Variants in GABRP observed in about 807,000 individuals in gnomAD.
The protein encoded by GABRP is gamma-aminobutyric acid receptor subunit pi.
Under a neutral mutation model 47.8 loss-of-function variants are expected in GABRP, and 52 were observed. That is an observed-to-expected ratio of 1.09 (90% CI 0.87 to 1.37). The LOEUF (loss-of-function observed/expected upper bound fraction) is 1.37, where lower values mean the gene tolerates loss of function less well. Among genes scored for constraint, GABRP ranks in the 40% most tolerant of loss-of-function variants. The pLI, the probability that GABRP is intolerant of heterozygous loss-of-function variation, is 0.00. For missense variants in GABRP, 525 were observed against 542.8 expected (o/e 0.97, Z 0.33); for synonymous variants, 221 against 205.8 (o/e 1.07, Z -0.63).
At position 170,812,724 on chromosome 5, in the gene GABRP, T is replaced by C. The variant is rs1013519360; in HGVS notation, c.*466T>C. The C allele has an allele frequency of 6.4e-6, 1 of 156,066 alleles. No homozygotes were observed. Among genetic ancestry groups the C allele is most frequent in the Non-Finnish European group, 1.4e-5 (1 of 70,270 alleles). The allele number at this position is 156,066 out of a possible 1,614,324, so 9.7% of individuals were successfully genotyped here. A position where few individuals can be genotyped will look rare whatever the true frequency, so the allele number is the denominator to read the frequency against. On this transcript the variant is annotated 3_prime_UTR_variant, in exon 10 of 10. Coordinates refer to ENST00000265294, the MANE Select transcript of GABRP (RefSeq NM_014211.3). ...GGAGTAACATTTTCTAGTTTTTGTT[T>C]CTGGTTAAAATGAAATATGGGCTTA... is the stretch of plus-strand genomic sequence containing the variant.
intron 9 of GABRP, among the ~76,000 whole-genome samples, chr5:170,811,217 A>T (rs1406380315): frequency 1.4e-5 from 2 of 147,748 alleles, no homozygotes; most frequent in African/African-American, 2.5e-5. Flanking sequence ...TAATAATGGT[A>T]CTCATTTCAT....
At chr5:170,783,348 A>T (rs1765052197), upstream of GABRP, among the ~76,000 whole-genome samples, 1 of 152,158 alleles carries the variant, frequency 6.6e-6, no homozygotes, top group Non-Finnish European at 1.5e-5. Flanking sequence ...CATTTTATAG[A>T]TGGGAAGCTG....
chr5:170,810,992 G>A (rs1382972560), intron 9 of GABRP, among the ~76,000 whole-genome samples: 2 of 151,482 alleles, frequency 1.3e-5, no homozygotes, highest in Non-Finnish European at 2.9e-5. Context: ...GTGAAATACT[G>A]ACAGCCTCCT....
chr5:170,811,280 G>A (rs550264875), intron 9 of GABRP, among the ~76,000 whole-genome samples: 5 of 151,230 alleles, frequency 3.3e-5, no homozygotes, highest in African/African-American at 9.7e-5. Context: ...CTAGCAAGCG[G>A]CCTGGTCAAG....
chr5:170,794,410 C>G (rs557902183), intron 4 of GABRP, 112 bp downstream of exon 4: 26 of 569,112 alleles, frequency 4.6e-5, no homozygotes, highest in African/African-American at 4.0e-4. Flanking sequence ...TGGCTCATGG[C>G]CCTCCTCCAT....
At chr5:170,790,613 T>G (rs548117555) in intron 3 of GABRP, among the ~76,000 whole-genome samples, 1 of 151,936 alleles carries the variant, frequency 6.6e-6, no homozygotes, top group South Asian at 2.1e-4. Context: ...GACCTGCAGG[T>G]CTGGCCTCAG....
rs1473828289 is a variant in GABRP, at chr5:170,813,902, T to C, written c.*1644T>C. On this transcript the variant is annotated 3_prime_UTR_variant, in exon 10 of 10. Transcript: ENST00000265294. ...TGAAAAGAGGTGAAATGTGGTTGTA[T>C]GAGCCAATCATATTTGTGATTTTTT... The C allele has an allele frequency of 6.6e-6, 1 of 152,176 alleles. No homozygotes were observed. Among genetic ancestry groups the C allele is most frequent in the Admixed American group, 6.5e-5 (1 of 15,270 alleles). The allele number at this position is 152,176 out of a possible 1,614,324, so 9.4% of individuals were successfully genotyped here. A position where few individuals can be genotyped will look rare whatever the true frequency, so the allele number is the denominator to read the frequency against.
chr5:170,788,543 C>A, intron 1 of GABRP, 31 bp from the exon 2 acceptor site: 2 of 1,486,270 alleles, frequency 1.3e-6, no homozygotes, highest in Non-Finnish European at 1.9e-6. Flanking sequence ...TGTTGCACGG[C>A]CTTCCACTTA....
At position 170,788,632 on chromosome 5, in the gene GABRP, A is replaced by C; in HGVS notation, c.17A>C (p.His6Pro). The stretch of plus-strand genomic sequence containing the variant: ...CTTCTCAACATGAACTACAGCCTCC[A>C]CTTGGCCTTCGTGTGTCTGAGTCTC... The part of the protein sequence containing the change: MNYSL[H>P]LAFVCLSLFT... The change falls in exon 2 of 10, where the codon CAC becomes CCC. Residue 6 changes from histidine (H) to proline (P), a missense_variant. Coordinates refer to ENST00000265294, the MANE Select transcript of GABRP (RefSeq NM_014211.3). The C allele has an allele frequency of 1.2e-6, 2 of 1,614,130 alleles. No individual in the cohort carries two copies. The highest frequency in any genetic ancestry group is 1.7e-6 in the Non-Finnish European group (2 of 1,180,020).
At chr5:170,803,684 G>A (rs10054743) in intron 6 of GABRP, among the ~76,000 whole-genome samples, 37,527 of 151,738 alleles carry the variant, frequency 0.25, 4,884 homozygotes, top group African/African-American at 0.3. Context: ...TAACCTACTC[G>A]CTGTCTGTAT....
chr5:170,802,233 G>C (rs368924113), intron 6 of GABRP, among the ~76,000 whole-genome samples: 7 of 152,084 alleles, frequency 4.6e-5, no homozygotes, highest in Non-Finnish European at 8.8e-5. Context: ...AAACCGCTCC[G>C]AAATGCCCAC....
chr5:170,792,468 C>A (rs923336107), intron 3 of GABRP, among the ~76,000 whole-genome samples: 11 of 151,396 alleles, frequency 7.3e-5, no homozygotes, highest in Admixed American at 3.9e-4. Context: ...GAAAGAAAGA[C>A]AGAAAAAGAA....
chr5:170,811,582 G>T (rs915674110), intron 9 of GABRP, among the ~76,000 whole-genome samples: 1 of 152,216 alleles, frequency 6.6e-6, no homozygotes, highest in South Asian at 2.1e-4. Flanking sequence ...TTTGGCAGGC[G>T]AGGAAATAAA....
intron 6 of GABRP, among the ~76,000 whole-genome samples, chr5:170,801,973 T>G (rs549595742): frequency 6.6e-6 from 1 of 152,260 alleles, no homozygotes; most frequent in South Asian, 2.1e-4. Flanking sequence ...ATGAGGATTA[T>G]GTACAAGAAG....
chr5:170,786,954 CAAAAG>C (rs940942939), intron 1 of GABRP, among the ~76,000 whole-genome samples: 4 of 151,844 alleles, frequency 2.6e-5, no homozygotes, highest in Non-Finnish European at 5.9e-5. Flanking sequence ...AAGTATGAGA[CAAAAG>C]AGAAGAAATG....
Position 170,812,109 on chromosome 5 carries a change from A to G in GABRP, c.1174A>G (p.Lys392Glu), listed in dbSNP as rs1363549544. 1 of 1,614,064 alleles carries G rather than the reference A, an allele frequency of 6.2e-7. No individual in the cohort carries two copies. The highest frequency in any genetic ancestry group is 8.5e-7 in the Non-Finnish European group (1 of 1,180,032). Residue 392 changes from lysine (K) to glutamate (E), a missense_variant, in exon 10 of 10, where the codon AAG (lysine) becomes GAG (glutamate). Physicochemically the swap from Lys to Glu is moderately conservative, Grantham distance 56. Coordinates refer to ENST00000265294, the MANE Select transcript of GABRP (RefSeq NM_014211.3). The part of the protein sequence containing the change: ...DLTMKTSDKF[K>E]FVFREKMGRI... Reference sequence around the variant, plus strand: ...GACAATGAAAACCAGCGACAAGTTCAAGTTTGTCTTCCGAGAAAAGATGGG... The same window carrying G: ...GACAATGAAAACCAGCGACAAGTTCGAGTTTGTCTTCCGAGAAAAGATGGG...
In GABRP at chr5:170,793,038, T is replaced by C. The variant is rs548400800; in HGVS notation, c.173-1193T>C. On this transcript the variant is annotated intron_variant, in intron 3 of 9. Coordinates refer to ENST00000265294, the MANE Select transcript of GABRP (RefSeq NM_014211.3). ...TATTGAGCGCCTATTATTACGTGAC[T>C]GATGGACATGACGCTGGGAGCTTTG... is the stretch of plus-strand genomic sequence containing the variant. Among the ~76,000 whole-genome samples, 26 of 152,298 alleles carry C rather than the reference T, an allele frequency of 1.7e-4. No individual in the cohort carries two copies. In the South Asian group the frequency reaches 5.2e-3, roughly 30 times the overall value.
chr5:170,785,489 C>G (rs1470033685), intron 1 of GABRP, among the ~76,000 whole-genome samples: 2 of 152,278 alleles, frequency 1.3e-5, no homozygotes, highest in East Asian at 1.9e-4. Context: ...CTTTTCTTCC[C>G]TTATAAAATG....
At chr5:170,791,184 A>C (rs1239662481) in intron 3 of GABRP, among the ~76,000 whole-genome samples, 2 of 152,220 alleles carry the variant, frequency 1.3e-5, no homozygotes, top group Non-Finnish European at 2.9e-5. Flanking sequence ...CATTCTGAGA[A>C]CAGGGAGCCT....
Sources: gnomAD v4.1 joint callset for allele counts (sites outside exome capture counted in the v4.1 genomes callset) on GRCh38, gnomAD v4.1.1 for gene constraint, MANE v1.5 for transcripts, NCBI Gene and HGNC (gene_info 2026-07-23, HGNC 2026-07-21) for gene names.